Variants in EPB41L3 observed in about 807,000 individuals in gnomAD.
EPB41L3 encodes the protein band 4.1-like protein 3.
EPB41L3 carries 57 observed loss-of-function variants against 127.1 expected under a neutral mutation model. The observed-to-expected ratio is 0.45, with a 90% confidence interval of 0.36 to 0.56. EPB41L3 has a LOEUF of 0.56. EPB41L3 is among the 20% of genes least tolerant of loss of function. EPB41L3 has a pLI of 0.00. For missense variants in EPB41L3, 1,273 were observed against 1,372.2 expected (o/e 0.93, Z 1.14); for synonymous variants, 572 against 549.5 (o/e 1.04, Z -0.57).
At chr18:5,417,523 C>T (rs1260058007) in intron 12 of EPB41L3, among the ~76,000 whole-genome samples, 1 of 151,918 alleles carries the variant, frequency 6.6e-6, no homozygotes, top group Non-Finnish European at 1.5e-5. Context: ...TAGACTTCTG[C>T]TGATGTCTGT....
chr18:5,407,722 T>C lies in EPB41L3; in HGVS notation c.2136A>G (p.Glu712=), dbSNP rs2075643236. 6.2e-7 allele frequency: 1 copy of C among 1,613,994 alleles called. No individual in the cohort carries two copies. Among genetic ancestry groups the C allele is most frequent in the Non-Finnish European group, 8.5e-7 (1 of 1,179,998 alleles). Residue 712 remains glutamate (E), a synonymous_variant, in exon 15 of 23, where the codon GAA becomes GAG. Coordinates refer to ENST00000341928, the MANE Select transcript of EPB41L3 (RefSeq NM_012307.5). ...ETTATESDQE[E]DAELKAQELE... ...CTACCTGTGCCTTGAGCTCTGCATC[T>C]TCCTCCTGGTCCGACTGCCAGCATC...
chr18:5,487,111 G>A (rs904105388), intron 2 of EPB41L3, among the ~76,000 whole-genome samples: 1 of 152,122 alleles, frequency 6.6e-6, no homozygotes, highest in African/African-American at 2.4e-5. Flanking sequence ...TTTTTAGAAA[G>A]TGGTATATAC....
At chr18:5,565,252 A>G (rs1326216686) in intron 3 of EPB41L3, among the ~76,000 whole-genome samples, 2 of 150,074 alleles carry the variant, frequency 1.3e-5, no homozygotes, top group African/African-American at 4.9e-5. Flanking sequence ...AAAAAAAAAT[A>G]CATACAAAAC....
At chr18:5,435,700 G>A (rs1274975666) in intron 6 of EPB41L3, among the ~76,000 whole-genome samples, 1 of 152,168 alleles carries the variant, frequency 6.6e-6, no homozygotes, top group African/African-American at 2.4e-5. Context: ...TGACATGACT[G>A]TGTGATTATT....
chr18:5,626,792 C>T (rs1402787154), intron 1 of EPB41L3, among the ~76,000 whole-genome samples: 1 of 152,182 alleles, frequency 6.6e-6, no homozygotes, highest in Non-Finnish European at 1.5e-5. Flanking sequence ...CTACAAAAAT[C>T]TTGCCCTGCT....
At chr18:5,472,726 C>A (rs1450102853) in intron 3 of EPB41L3, among the ~76,000 whole-genome samples, 1 of 152,114 alleles carries the variant, frequency 6.6e-6, no homozygotes, top group Non-Finnish European at 1.5e-5. Context: ...ATCATGTAAC[C>A]TATAGAAGTT....
intron 1 of EPB41L3, among the ~76,000 whole-genome samples, chr18:5,494,151 C>A (rs78356886): frequency 6.6e-6 from 1 of 151,956 alleles, no homozygotes; most frequent in Admixed American, 6.5e-5. Context: ...CACCTAAAAC[C>A]GAACATTTTT....
upstream of EPB41L3, among the ~76,000 whole-genome samples, chr18:5,548,878 A>G (rs1785383): frequency 0.24 from 35,992 of 152,140 alleles, 5,810 homozygotes; most frequent in African/African-American, 0.46. Flanking sequence ...GCTCTCAACC[A>G]CATGATCACT....
intron 3 of EPB41L3, among the ~76,000 whole-genome samples, chr18:5,594,042 T>A (rs1278866939): frequency 2.0e-5 from 3 of 152,194 alleles, no homozygotes; most frequent in Non-Finnish European, 2.9e-5. Flanking sequence ...TGAGGCAACA[T>A]ACATCCTCCT....
intron 16 of EPB41L3, chr18:5,400,464 G>C (rs2074318308): frequency 4.4e-6 from 2 of 454,764 alleles, no homozygotes; most frequent in South Asian, 3.1e-5. Flanking sequence ...ACATGTTGTT[G>C]CTAGATTAAA....
At chr18:5,602,907 T>C (rs1464329675) in intron 3 of EPB41L3, among the ~76,000 whole-genome samples, 1 of 152,244 alleles carries the variant, frequency 6.6e-6, no homozygotes, top group Non-Finnish European at 1.5e-5. Flanking sequence ...CTCTAGCTAA[T>C]AATCTCATTC....
At chr18:5,424,388 A>G (rs1359107196) in intron 9 of EPB41L3, 29 bp from the exon 10 acceptor site, 1 of 1,522,144 alleles carries the variant, frequency 6.6e-7, no homozygotes, top group East Asian at 2.3e-5. Context: ...ATTGAAGAGT[A>G]AAGTTTAAAA....
intron 1 of EPB41L3, among the ~76,000 whole-genome samples, chr18:5,522,132 C>G (rs1299482064): frequency 2.0e-5 from 3 of 152,104 alleles, no homozygotes; most frequent in Admixed American, 2.0e-4. Flanking sequence ...GAGCTGGAGT[C>G]TCACTCTGTT....
chr18:5,485,284 A>G (rs1187129876), intron 2 of EPB41L3, among the ~76,000 whole-genome samples: 8 of 152,120 alleles, frequency 5.3e-5, no homozygotes, highest in Non-Finnish European at 1.0e-4. Flanking sequence ...AAAGCATTTG[A>G]TAAAATTCAA....
At chr18:5,560,373 GT>G (rs551788364) in intron 3 of EPB41L3, among the ~76,000 whole-genome samples, 31 of 151,724 alleles carry the variant, frequency 2.0e-4, no homozygotes, top group African/African-American at 5.8e-4. Flanking sequence ...CTACCATAAA[GT>G]TTTTTTTTAA....
rs2073273514 is a variant in EPB41L3, at chr18:5,395,627, G to C, written c.3054C>G (p.Thr1018=). 1 of 1,613,428 alleles carries C rather than the reference G, an allele frequency of 6.2e-7. No individual in the cohort carries two copies. The highest frequency in any genetic ancestry group is 1.3e-5 in the African/African-American group (1 of 74,904). Residue 1018 remains threonine, a synonymous_variant, in exon 20 of 23, where the codon ACC becomes ACG. Coordinates refer to ENST00000341928, the MANE Select transcript of EPB41L3 (RefSeq NM_012307.5). ...CACTTACTTTGGTGATGTGCGTAGT[G>C]GTGGTGGTACTGGTGGTTTCAGATG... ...TITSETTSTT[T]TTHITKTVKG...
At chr18:5,569,455 A>G (rs1568587637) in intron 3 of EPB41L3, among the ~76,000 whole-genome samples, 1 of 152,082 alleles carries the variant, frequency 6.6e-6, no homozygotes, top group Non-Finnish European at 1.5e-5. Context: ...AATTAGAGAT[A>G]CCCCCATTGT....
intron 2 of EPB41L3, among the ~76,000 whole-genome samples, chr18:5,613,008 A>G (rs892104783): frequency 4.6e-5 from 7 of 152,176 alleles, no homozygotes; most frequent in African/African-American, 1.7e-4. Flanking sequence ...CCAAAGTGCT[A>G]GGATTACAGG....
intron 3 of EPB41L3, among the ~76,000 whole-genome samples, chr18:5,471,582 T>C (rs1221844637): frequency 6.6e-6 from 1 of 152,202 alleles, no homozygotes; most frequent in African/African-American, 2.4e-5. Flanking sequence ...ATATCTACTA[T>C]GTGAAAAATT....
Sources: gnomAD v4.1 joint callset for allele counts (sites outside exome capture counted in the v4.1 genomes callset) on GRCh38, gnomAD v4.1.1 for gene constraint, MANE v1.5 for transcripts, NCBI Gene and HGNC (gene_info 2026-07-23, HGNC 2026-07-21) for gene names.